The following ENTREP1 variants were observed in gnomAD, a reference collection of about 807,000 sequenced individuals.
The protein encoded by ENTREP1 is endosomal transmembrane epsin interactor 1.
At chr9:69,391,607 G>A in the ENTREP1 span, 37 of 1,613,936 alleles carry the variant, frequency 2.3e-5, no homozygotes, top group East Asian at 6.0e-4. Context: ...AAAGATAATG[G>A]CCCCATTGCA....
At chr9:69,377,461 C>A in the ENTREP1 span, 1 of 1,613,620 alleles carries the variant, frequency 6.2e-7, no homozygotes, top group Middle Eastern at 1.6e-4. Flanking sequence ...ATATTCGCAA[C>A]CAGGAGATCC....
chr9:69,334,863 G>C, the ENTREP1 span, among the ~76,000 whole-genome samples: 1 of 146,142 alleles, frequency 6.8e-6, no homozygotes, highest in East Asian at 2.0e-4. Context: ...TGCAACCTCT[G>C]CCTCCTGGGT....
chr9:69,337,005 CTTTTTTTTTTTTTTTT>C, the ENTREP1 span, among the ~76,000 whole-genome samples: 5 of 56,000 alleles, frequency 8.9e-5, 1 homozygote, highest in East Asian at 5.2e-4. Context: ...GCTGTTATTC[CTTTTTTTTTTTTTTTT>C]TTTTTTTTTT....
At chr9:69,340,653 ATG>A in the ENTREP1 span, among the ~76,000 whole-genome samples, 10,173 of 98,604 alleles carry the variant, frequency 0.1, 604 homozygotes, top group Middle Eastern at 0.2. Flanking sequence ...GTGTGTGTGC[ATG>A]TGTGTGTGTG....
the ENTREP1 span, among the ~76,000 whole-genome samples, chr9:69,346,360 C>T: frequency 6.6e-6 from 1 of 151,978 alleles, no homozygotes; most frequent in African/African-American, 2.4e-5. Context: ...AGGAATTTGC[C>T]ACACGTATGT....
the ENTREP1 span, among the ~76,000 whole-genome samples, chr9:69,384,598 A>G: frequency 6.6e-6 from 1 of 152,318 alleles, no homozygotes; most frequent in African/African-American, 2.4e-5. Context: ...GCAGCTAATG[A>G]ATTCTGGTTT....
At chr9:69,352,865 G>C in the ENTREP1 span, among the ~76,000 whole-genome samples, 2 of 152,204 alleles carry the variant, frequency 1.3e-5, no homozygotes, top group Non-Finnish European at 1.5e-5. Flanking sequence ...GCTGGATGTG[G>C]TGGCCCATGC....
At chr9:69,329,834 G>GTTAACTAGGTTCCACTGGGT in the ENTREP1 span, 2 of 187,888 alleles carry the variant, frequency 1.1e-5, no homozygotes, top group African/African-American at 1.5e-4. Context: ...GGGTATGGGC[G>GTTAACTAGGTTCCACTGGGT]TTAATGTTAA....
At chr9:69,378,898 T>G in the ENTREP1 span, among the ~76,000 whole-genome samples, 4 of 152,178 alleles carry the variant, frequency 2.6e-5, no homozygotes, top group Non-Finnish European at 5.9e-5. Context: ...GTCATTAAAA[T>G]GTGTGTTGGA....
At chr9:69,363,017 C>T in the ENTREP1 span, among the ~76,000 whole-genome samples, 5 of 152,164 alleles carry the variant, frequency 3.3e-5, no homozygotes, top group Admixed American at 2.6e-4. Flanking sequence ...TTCTGCACCT[C>T]TAGAGAACCC....
the ENTREP1 span, among the ~76,000 whole-genome samples, chr9:69,365,113 C>G: frequency 2.0e-5 from 3 of 152,138 alleles, no homozygotes; most frequent in Non-Finnish European, 4.4e-5. Flanking sequence ...ATATACAGTC[C>G]TGTTCCAGAT....
chr9:69,354,684 G>T, the ENTREP1 span, among the ~76,000 whole-genome samples: 1 of 152,088 alleles, frequency 6.6e-6, no homozygotes, highest in African/African-American at 2.4e-5. Context: ...AAATCTAGAG[G>T]CTTGATCTGA....
the ENTREP1 span, among the ~76,000 whole-genome samples, chr9:69,355,923 G>T: frequency 6.6e-6 from 1 of 152,102 alleles, no homozygotes; most frequent in Admixed American, 6.5e-5. Context: ...CTTTTTTGTG[G>T]TGTGCAATTT....
chr9:69,337,078 G>A, the ENTREP1 span, among the ~76,000 whole-genome samples: 2 of 128,442 alleles, frequency 1.6e-5, no homozygotes, highest in African/African-American at 3.0e-5. Context: ...GCAGTGGCAC[G>A]TTCTCAGCTT....
the ENTREP1 span, among the ~76,000 whole-genome samples, chr9:69,373,033 T>C: frequency 3.9e-5 from 2 of 50,750 alleles, no homozygotes; most frequent in African/African-American, 1.2e-4. Flanking sequence ...TTGAGTTATT[T>C]TTTTTTTTGT....
At chr9:69,383,691 G>T in the ENTREP1 span, 1 of 1,614,134 alleles carries the variant, frequency 6.2e-7, no homozygotes, top group Non-Finnish European at 8.5e-7. Context: ...CAAAGGTGTG[G>T]AAGTGTTCTG....
the ENTREP1 span, chr9:69,381,810 T>A: frequency 6.6e-6 from 1 of 152,210 alleles, no homozygotes; most frequent in African/African-American, 2.4e-5. Context: ...TCCTTCAAAG[T>A]GAGGCTTTTA....
At chr9:69,375,915 A>C in the ENTREP1 span, 3 of 1,563,652 alleles carry the variant, frequency 1.9e-6, no homozygotes, top group African/African-American at 4.1e-5. Flanking sequence ...CGGAGCCCCC[A>C]AAGAAGGCAA....
chr9:69,362,792 C>A, the ENTREP1 span, among the ~76,000 whole-genome samples: 2 of 151,988 alleles, frequency 1.3e-5, no homozygotes, highest in African/African-American at 4.8e-5. Context: ...CAGAAAAATG[C>A]AAAAAAGCTA....
Sources: gnomAD v4.1 joint callset for allele counts (sites outside exome capture counted in the v4.1 genomes callset) on GRCh38, gnomAD v4.1.1 for gene constraint, MANE v1.5 for transcripts, NCBI Gene and HGNC (gene_info 2026-07-23, HGNC 2026-07-21) for gene names.